RANBP3: variants seen among roughly 807,000 people sequenced by gnomAD.
RANBP3 encodes ran-binding protein 3.
In RANBP3, 14 loss-of-function variants were observed where a neutral mutation model predicts 77.3. That is an observed-to-expected ratio of 0.18 (90% CI 0.12 to 0.28). RANBP3 has a LOEUF of 0.28. RANBP3 is among the 10% of genes least tolerant of loss of function. RANBP3 has a pLI of 1.00. For missense variants in RANBP3, 586 were observed against 752.3 expected, an observed-to-expected ratio of 0.78 and a Z score of 2.59; for synonymous variants, 315 against 312.4, an observed-to-expected ratio of 1.01 and a Z score of -0.09.
intron 3 of RANBP3, among the ~76,000 whole-genome samples, chr19:5,943,282 G>A (rs2058163034): frequency 6.6e-6 from 1 of 152,238 alleles, no homozygotes; most frequent in Non-Finnish European, 1.5e-5. Flanking sequence ...GGTGATGCAT[G>A]TGAAAGTGCT....
intron 14 of RANBP3, among the ~76,000 whole-genome samples, chr19:5,919,192 G>A (rs966143073): frequency 6.6e-6 from 1 of 152,232 alleles, no homozygotes; most frequent in Non-Finnish European, 1.5e-5. Flanking sequence ...ATGGAGAGGA[G>A]ACGAGAGGAC....
intron 8 of RANBP3, among the ~76,000 whole-genome samples, chr19:5,929,651 C>A (rs781753025): frequency 3.4e-4 from 51 of 152,218 alleles, no homozygotes; most frequent in Non-Finnish European, 7.2e-4. Context: ...CCCCATGGGT[C>A]GCCCCCAACA....
In RANBP3 at chr19:5,932,478, G is replaced by A. The variant is rs764517159; in HGVS notation, c.539C>T (p.Pro180Leu). ...AGTCTGGGACAGCGCCTTTGGCTGC[G>A]GAGCTTGTAACACTGCCGGGCGAAG... ...SVLRPAVLQA[P>L]QPKALSQTVP... The change falls in exon 7 of 17, where the codon CCG becomes CTG. Residue 180 changes from proline (P) to leucine (L), a missense_variant. Coordinates refer to ENST00000340578, the MANE Select transcript of RANBP3 (RefSeq NM_007322.3). 7 of 1,613,748 alleles carry A rather than the reference G, an allele frequency of 4.3e-6. No homozygotes were observed. Among genetic ancestry groups the A allele is most frequent in the East Asian group, 2.2e-5 (1 of 44,890 alleles).
intron 14 of RANBP3, among the ~76,000 whole-genome samples, chr19:5,919,378 C>T (rs1442686703): frequency 6.6e-6 from 1 of 152,216 alleles, no homozygotes; most frequent in African/African-American, 2.4e-5. Context: ...TCCCCCTGCC[C>T]TGGCCCAGCG....
chr19:5,917,713 C>G, intron 16 of RANBP3, 60 bp from the exon 17 acceptor site: 4 of 1,588,506 alleles, frequency 2.5e-6, no homozygotes, highest in Non-Finnish European at 3.4e-6. Flanking sequence ...GTCTGGCCAC[C>G]CCCGCCAGGA....
At chr19:5,951,739 C>A in intron 2 of RANBP3, 143 bp from the exon 3 acceptor site, 1 of 755,014 alleles carries the variant, frequency 1.3e-6, no homozygotes. Flanking sequence ...AGAGCAGGCA[C>A]CTGCTTCTGG....
rs2057811994 is a variant in RANBP3, at chr19:5,921,073, C to T, written c.1330+128G>A. On this transcript the variant is annotated intron_variant, in intron 14 of 16. Coordinates refer to ENST00000340578, the MANE Select transcript of RANBP3 (RefSeq NM_007322.3). This position sits in a 1 kb window ranked among gnomAD's most constrained non-coding sequence, Gnocchi z 5.3. Reference sequence around the variant, plus strand: ...TTTGGGGGGCGGCTCTCATGGGAGACCGACTCTGTGCCTTGACTCTCACAA... The same window carrying T: ...TTTGGGGGGCGGCTCTCATGGGAGATCGACTCTGTGCCTTGACTCTCACAA... The T allele has an allele frequency of 1.6e-6, 2 of 1,257,904 alleles. No homozygotes were observed. Among genetic ancestry groups the T allele is most frequent in the African/African-American group, 1.5e-5 (1 of 65,838 alleles). The allele number at this position is 1,257,904 out of a possible 1,614,324, so 77.9% of individuals were successfully genotyped here.
At chr19:5,960,719 C>T (rs191277872) in intron 1 of RANBP3, among the ~76,000 whole-genome samples, 271 of 152,284 alleles carry the variant, frequency 1.8e-3, no homozygotes, top group Non-Finnish European at 2.8e-3. Context: ...TGTTGAGAAC[C>T]GTGTCGGTGG....
intron 14 of RANBP3, among the ~76,000 whole-genome samples, chr19:5,919,640 T>C (rs957996664): frequency 1.3e-5 from 2 of 152,178 alleles, no homozygotes; most frequent in African/African-American, 4.8e-5. Flanking sequence ...GGCTCAAGCC[T>C]GTAATTCCAG....
At chr19:5,933,361 G>T in intron 6 of RANBP3, 53 bp downstream of exon 6, 2 of 1,481,312 alleles carry the variant, frequency 1.4e-6, no homozygotes, top group Non-Finnish European at 1.8e-6. Flanking sequence ...CCTAGCAGAG[G>T]TCTGAAAAAC....
chr19:5,945,283 C>T (rs752770761), intron 3 of RANBP3, among the ~76,000 whole-genome samples: 2 of 152,266 alleles, frequency 1.3e-5, no homozygotes, highest in East Asian at 1.9e-4. Flanking sequence ...CACCCCTGCA[C>T]GGGATGTTTC....
intron 1 of RANBP3, among the ~76,000 whole-genome samples, chr19:5,970,410 C>G (rs2058516482): frequency 6.6e-6 from 1 of 152,104 alleles, no homozygotes; most frequent in Admixed American, 6.6e-5. Flanking sequence ...GGTTAGATAA[C>G]TATGGAACAC....
At chr19:5,966,836 G>C (rs1345357680) in intron 1 of RANBP3, among the ~76,000 whole-genome samples, 2 of 152,166 alleles carry the variant, frequency 1.3e-5, no homozygotes, top group African/African-American at 4.8e-5. Context: ...CAAACTGTCA[G>C]CAAGGTACTT....
At position 5,917,625 on chromosome 19, in the gene RANBP3, C is replaced by A; in HGVS notation, c.1689G>T (p.Thr563=). ...AGAGDEGDGQ[T]TGST ...CTCCCGGCCGCTATGTGCTCCCGGT[C>A]GTCTGCCCGTCCCCTTCGTCACCAG... Residue 563 remains threonine (T), a synonymous_variant, in exon 17 of 17, where the codon ACG becomes ACT. Transcript: ENST00000340578. 3 of 1,605,132 alleles carry A rather than the reference C, an allele frequency of 1.9e-6. 1 individual carries two copies. The Middle Eastern group carries it at 5.4e-4, about 289-fold the overall frequency.
chr19:5,941,644 G>A lies in RANBP3; in HGVS notation c.383C>T (p.Thr128Ile), dbSNP rs748217506. The A allele has an allele frequency of 1.9e-6, 3 of 1,613,670 alleles. No homozygotes were observed. Among genetic ancestry groups the A allele is most frequent in the East Asian group, 4.5e-5 (2 of 44,880 alleles). The change falls in exon 5 of 17, where the codon ACC (threonine) becomes ATC (isoleucine). Residue 128 changes from threonine to isoleucine, a missense_variant. Thr to Ile is a moderately conservative substitution (Grantham distance 89). Around this residue, in one of 5 missense-constraint regions of RANBP3, gnomAD observed 172 missense variants for 183.4 expected, o/e 0.94. Transcript: ENST00000340578. ...PVKRERTSSLTQFPPSQSEER... is the reference protein window; with the variant it reads ...PVKRERTSSLIQFPPSQSEER... ...ACCTGACTGTGAGGGTGGGAACTGG[G>A]TTAAAGAGGATGTTCTTTCTCGCTT...
chr19:5,924,747 C>G lies in RANBP3; in HGVS notation c.996+80G>C, dbSNP rs1017025205. On this transcript the variant is annotated intron_variant, in intron 11 of 16. Coordinates refer to ENST00000340578, the MANE Select transcript of RANBP3 (RefSeq NM_007322.3). This position sits in a 1 kb window ranked among gnomAD's most constrained non-coding sequence, Gnocchi z 4.7. ...TCTCACATAGGACGACACAGCAGCC[C>G]TGCTCTCCATGTCCCCTTGACCTGT... 7.2e-7 allele frequency: 1 copy of G among 1,395,920 alleles called. No homozygotes were observed. The highest frequency in any genetic ancestry group is 1.0e-6 in the Non-Finnish European group (1 of 983,358). The allele number at this position is 1,395,920 out of a possible 1,614,324, so 86.5% of individuals were successfully genotyped here.
At chr19:5,923,653 T>C (rs1336870149) in intron 12 of RANBP3, among the ~76,000 whole-genome samples, 159 bp downstream of exon 12, 1 of 152,140 alleles carries the variant, frequency 6.6e-6, no homozygotes, top group East Asian at 1.9e-4. Context: ...CACAAACCCT[T>C]GCTCACTGCA....
rs144846723 is a variant in RANBP3, at chr19:5,958,122, C to T, written c.23-149G>A. The T allele has an allele frequency of 6.1e-4, 444 of 733,326 alleles. 3 individuals are homozygous for T. In the African/African-American group the frequency reaches 6.7e-3, roughly 11 times the overall value. 45.4% of individuals were successfully genotyped at this position (733,326 alleles called of 1,614,324 possible). A position where few individuals can be genotyped will look rare whatever the true frequency, so the allele number is the denominator to read the frequency against. On this transcript the variant is annotated intron_variant, in intron 1 of 16. Coordinates refer to ENST00000340578, the MANE Select transcript of RANBP3 (RefSeq NM_007322.3). This position sits in a 1 kb window ranked among gnomAD's most constrained non-coding sequence, Gnocchi z 4.4. Reference sequence around the variant, plus strand: ...AATCACTTAGAACAGCGTCTTGACTCGGATGCCTGGAGGCACAGGTGTGCT... The same window carrying T: ...AATCACTTAGAACAGCGTCTTGACTTGGATGCCTGGAGGCACAGGTGTGCT...
intron 1 of RANBP3, among the ~76,000 whole-genome samples, chr19:5,968,868 G>T (rs564692475): frequency 6.6e-6 from 1 of 152,374 alleles, no homozygotes; most frequent in East Asian, 1.9e-4. Context: ...TCTCTACTGG[G>T]AAAGAGAAAA....
Sources: gnomAD v4.1 joint callset for allele counts (sites outside exome capture counted in the v4.1 genomes callset) on GRCh38, gnomAD v4.1.1 for gene constraint, gnomAD v4.1.1 regional missense constraint, Gnocchi (gnomAD v3.1) non-coding constraint, MANE v1.5 for transcripts, NCBI Gene and HGNC (gene_info 2026-07-23, HGNC 2026-07-21) for gene names.